TRA2A: variants seen among roughly 807,000 people sequenced by gnomAD.
TRA2A encodes transformer 2 alpha homolog, also known as transformer-2 protein homolog alpha.
Under a neutral mutation model 45.7 loss-of-function variants are expected in TRA2A, and 31 were observed. The ratio of observed to expected loss-of-function variants is 0.68; its 90% CI spans 0.51 to 0.92. TRA2A has a LOEUF of 0.92. Ranked by LOEUF, TRA2A falls within the 40% of genes least tolerant of loss-of-function variation. TRA2A has a pLI of 0.00. For synonymous variants in TRA2A, 132 were observed against 126.2 expected, an observed-to-expected ratio of 1.05 and a Z score of -0.31; for missense variants, 304 against 367.5, an observed-to-expected ratio of 0.83 and a Z score of 1.41.
chr7:23,523,937 T>G (rs147893273), intron 1 of TRA2A, among the ~76,000 whole-genome samples: 74 of 152,370 alleles, frequency 4.9e-4, no homozygotes, highest in African/African-American at 1.7e-3. Context: ...CATTCATTTA[T>G]GCTACTGTTG....
rs552106992 is a variant in TRA2A at position 23,505,335 on chromosome 7, C to T, written c.*224G>A. 65 of 404,106 alleles carry T rather than the reference C, an allele frequency of 1.6e-4. No individual in the cohort carries two copies. Among genetic ancestry groups the T allele is most frequent in the African/African-American group, 1.3e-3 (63 of 48,120 alleles). The allele number at this position is 404,106 out of a possible 1,614,324, so 25.0% of individuals were successfully genotyped here. On this transcript the variant is annotated 3_prime_UTR_variant, in exon 8 of 8. Transcript: ENST00000297071. ...ACATAACATTGGGGTTCTTTTTATA[C>T]TCAAGATGTTTAACTGTTCAAAATG...
At chr7:23,513,882 C>T (rs1248930758) in intron 3 of TRA2A, among the ~76,000 whole-genome samples, 1 of 151,736 alleles carries the variant, frequency 6.6e-6, no homozygotes, top group Non-Finnish European at 1.5e-5. Context: ...CGGAGGAGAA[C>T]AAAGGAAGGA....
chr7:23,526,445 T>C (rs1790343657), intron 1 of TRA2A, among the ~76,000 whole-genome samples: 1 of 152,150 alleles, frequency 6.6e-6, no homozygotes, highest in African/African-American at 2.4e-5. Flanking sequence ...AGATACACAC[T>C]AGTGCATTGA....
chr7:23,512,558 G>A (rs920057927), intron 4 of TRA2A, among the ~76,000 whole-genome samples: 3 of 151,852 alleles, frequency 2.0e-5, no homozygotes, highest in Admixed American at 6.6e-5. Context: ...TCCCGGGTTC[G>A]CGCCATTCTC....
intron 1 of TRA2A, 121 bp downstream of exon 1, chr7:23,531,668 G>A (rs1790590874): frequency 9.5e-7 from 1 of 1,050,054 alleles, no homozygotes; most frequent in South Asian, 1.4e-5. Context: ...GGAATCAATC[G>A]CGATGGCTCC....
intron 2 of TRA2A, among the ~76,000 whole-genome samples, chr7:23,517,467 GACT>G (rs1383779112): frequency 6.7e-5 from 2 of 29,868 alleles, no homozygotes; most frequent in Non-Finnish European, 6.2e-5. Context: ...GACAGAGCAA[GACT>G]ACGTCTCAAA....
At chr7:23,530,194 G>A (rs1224173034) in intron 1 of TRA2A, among the ~76,000 whole-genome samples, 2 of 151,944 alleles carry the variant, frequency 1.3e-5, no homozygotes, top group African/African-American at 4.8e-5. Flanking sequence ...TATGTTTATC[G>A]CATGATTTTA....
At position 23,531,782 on chromosome 7, in the gene TRA2A, T is replaced by C; in HGVS notation, c.36+7A>G. 6.2e-7 allele frequency: 1 copy of C among 1,613,470 alleles called. No individual in the cohort carries two copies. The highest frequency in any genetic ancestry group is 8.5e-7 in the Non-Finnish European group (1 of 1,180,008). ...CGCCTAGACGGCTCCCGCGGCTTTG[T>C]ACTCACTCTGCCCTCGAAGTTGTTT... is the stretch of plus-strand genomic sequence containing the variant. On this transcript the variant is annotated splice_region_variant and intron_variant, in intron 1 of 7. Transcript: ENST00000297071.
At chr7:23,530,902 AAGAC>A (rs536478534) in intron 1 of TRA2A, among the ~76,000 whole-genome samples, 59 of 146,672 alleles carry the variant, frequency 4.0e-4, no homozygotes, top group African/African-American at 1.5e-3. Context: ...AGATTAAAGA[AAGAC>A]AGATTTTTTT....
intron 2 of TRA2A, among the ~76,000 whole-genome samples, chr7:23,518,966 G>T (rs1195224911): frequency 2.0e-5 from 3 of 152,156 alleles, no homozygotes; most frequent in African/African-American, 7.2e-5. Context: ...GGGGTTATAG[G>T]CATGAGCCAC....
intron 4 of TRA2A, among the ~76,000 whole-genome samples, chr7:23,511,090 G>A (rs1789579359): frequency 6.6e-6 from 1 of 151,938 alleles, no homozygotes; most frequent in Non-Finnish European, 1.5e-5. Context: ...AGCCTTATTT[G>A]GCCAGGCGCG....
chr7:23,510,942 G>A (rs1364359182), intron 4 of TRA2A, among the ~76,000 whole-genome samples: 2 of 152,024 alleles, frequency 1.3e-5, no homozygotes, highest in Non-Finnish European at 2.9e-5. Context: ...GTTATCCGGG[G>A]TTTCTCAACC....
In TRA2A at chr7:23,513,973, T is replaced by C. The variant is rs567380503; in HGVS notation, c.337-891A>G. ...GAACAGGCTATGACCTAATGCTTGTTTGGACCAGTATAAGCATGTTAGGGC... is the reference window on the plus strand; with the variant it reads ...GAACAGGCTATGACCTAATGCTTGTCTGGACCAGTATAAGCATGTTAGGGC... On this transcript the variant is annotated intron_variant, in intron 3 of 7. Transcript: ENST00000297071. 3.2e-4 allele frequency among the ~76,000 whole-genome samples: 49 copies of C among 152,292 alleles called. No individual in the cohort carries two copies. In the South Asian group the frequency reaches 8.9e-3, roughly 28 times the overall value.
Position 23,506,058 on chromosome 7 carries a change from T to G in TRA2A, c.770+80A>C. On this transcript the variant is annotated intron_variant, in intron 6 of 7. Coordinates refer to ENST00000297071, the MANE Select transcript of TRA2A (RefSeq NM_013293.5). ...TCTATTTTAAAAATCAAGTTTTTATTCATATGTATCCAACATAAAAGTGCC... is the reference window on the plus strand; with the variant it reads ...TCTATTTTAAAAATCAAGTTTTTATGCATATGTATCCAACATAAAAGTGCC... 5 of 1,253,554 alleles carry G rather than the reference T, an allele frequency of 4.0e-6. No homozygotes were observed. The South Asian group carries it at 7.4e-5, about 19-fold the overall frequency. The allele number at this position is 1,253,554 out of a possible 1,614,324, so 77.7% of individuals were successfully genotyped here.
At position 23,512,969 on chromosome 7, in the gene TRA2A, C is replaced by T; in HGVS notation, c.450G>A (p.Val150=). The T allele has an allele frequency of 6.2e-7, 1 of 1,613,910 alleles. No individual in the cohort carries two copies. The highest frequency in any genetic ancestry group is 8.5e-7 in the Non-Finnish European group (1 of 1,179,968). ...SRYGPLSGVN[V]VYDQRTGRSR... is the part of the protein sequence containing the mutation. The stretch of plus-strand genomic sequence containing the variant: ...ATCGCCCAGTTCGCTGATCATAAAC[C>T]ACATTGACACCACTCAATGGTCCAT... Residue 150 remains valine (V), a synonymous_variant, in exon 4 of 8, where the codon GTG becomes GTA. Transcript: ENST00000297071.
chr7:23,519,558 AAAAC>A (rs148837667), intron 2 of TRA2A, among the ~76,000 whole-genome samples: 3,318 of 152,108 alleles, frequency 0.022, 128 homozygotes, highest in African/African-American at 0.076. Flanking sequence ...TCCATCTCAA[AAAAC>A]AAACAAACAA....
At chr7:23,511,281 G>GCTT in intron 4 of TRA2A, among the ~76,000 whole-genome samples, 1 of 148,886 alleles carries the variant, frequency 6.7e-6, no homozygotes, top group East Asian at 2.0e-4. Flanking sequence ...TGAGGCAGGA[G>GCTT]AATGGCATGA....
chr7:23,518,887 A>T (rs1219097318), intron 2 of TRA2A, among the ~76,000 whole-genome samples: 1 of 151,938 alleles, frequency 6.6e-6, no homozygotes, highest in Non-Finnish European at 1.5e-5. Context: ...GGGTCTCAAC[A>T]TGTTGGCCAG....
At chr7:23,528,717 G>A (rs920344024) in intron 1 of TRA2A, among the ~76,000 whole-genome samples, 1 of 151,274 alleles carries the variant, frequency 6.6e-6, no homozygotes, top group Non-Finnish European at 1.5e-5. Flanking sequence ...GCCCAGGCTG[G>A]AGTGCAGTGA....
Sources: gnomAD v4.1 joint callset for allele counts (sites outside exome capture counted in the v4.1 genomes callset) on GRCh38, gnomAD v4.1.1 for gene constraint, MANE v1.5 for transcripts, NCBI Gene and HGNC (gene_info 2026-07-23, HGNC 2026-07-21) for gene names.